Variants in SH3D19 observed in about 807,000 individuals in gnomAD.
SH3D19 encodes SH3 domain containing 19.
Under a neutral mutation model 112.1 loss-of-function variants are expected in SH3D19, and 58 were observed. That is an observed-to-expected ratio of 0.52 (90% CI 0.42 to 0.64). The LOEUF is 0.64. Among genes scored for constraint, SH3D19 ranks in the 30% least tolerant of loss-of-function variants. SH3D19 has a pLI of 0.00. For missense variants in SH3D19, 1,090 were observed against 1,263.4 expected (o/e 0.86, Z 2.08); for synonymous variants, 391 against 448.5 (o/e 0.87, Z 1.62).
rs533371734 is a variant in SH3D19 at position 151,286,982 on chromosome 4, A to T, written c.112+38259T>A. On this transcript the variant is annotated intron_variant, in intron 1 of 19. Coordinates refer to ENST00000604030, the MANE Select transcript of SH3D19 (RefSeq NM_001378122.1). ...GTGACAGAGTGAGATTCTGTCTCAA[A>T]AATAATAATAATAATAATAATAATA... 6.3e-5 allele frequency among the ~76,000 whole-genome samples: 9 copies of T among 141,836 alleles called. No homozygotes were observed. In the South Asian group the frequency reaches 9.1e-4, roughly 14 times the overall value. 93.0% of individuals were successfully genotyped at this position (141,836 alleles called of 152,430 possible).
chr4:151,221,641 C>T (rs1768071553), intron 2 of SH3D19, among the ~76,000 whole-genome samples: 1 of 152,158 alleles, frequency 6.6e-6, no homozygotes, highest in East Asian at 1.9e-4. Context: ...CTCAAAATAC[C>T]TTTGGCATTT....
chr4:151,185,236 C>T (rs994800299), intron 3 of SH3D19, among the ~76,000 whole-genome samples: 19 of 152,100 alleles, frequency 1.2e-4, no homozygotes, highest in Middle Eastern at 3.4e-3. Context: ...CAGGAGCCCA[C>T]AGATATGACT....
At chr4:151,189,569 C>T (rs1418556665) in intron 2 of SH3D19, among the ~76,000 whole-genome samples, 3 of 151,940 alleles carry the variant, frequency 2.0e-5, no homozygotes, top group East Asian at 3.9e-4. Flanking sequence ...GTAGTTCTCA[C>T]GACAGTGAAT....
intron 1 of SH3D19, among the ~76,000 whole-genome samples, chr4:151,232,183 C>CA (rs1316222273): frequency 6.6e-6 from 1 of 152,066 alleles, no homozygotes; most frequent in Non-Finnish European, 1.5e-5. Context: ...GACTCTGTCT[C>CA]AAAAAAGAAT....
chr4:151,294,677 C>G (rs539439773), intron 1 of SH3D19, among the ~76,000 whole-genome samples: 1 of 152,308 alleles, frequency 6.6e-6, no homozygotes, highest in South Asian at 2.1e-4. Flanking sequence ...CCACCATGTA[C>G]CAGGTACCAT....
At chr4:151,188,946 G>A (rs1762210681) in intron 2 of SH3D19, among the ~76,000 whole-genome samples, 1 of 152,044 alleles carries the variant, frequency 6.6e-6, no homozygotes, top group African/African-American at 2.4e-5. Flanking sequence ...GCCATCTGAA[G>A]AGCCAAACCA....
chr4:151,235,341 A>T (rs1459470800), intron 1 of SH3D19, among the ~76,000 whole-genome samples: 1 of 152,224 alleles, frequency 6.6e-6, no homozygotes, highest in Non-Finnish European at 1.5e-5. Context: ...CTGGAATAAG[A>T]TATGCTATAA....
At chr4:151,208,235 T>A (rs1418314867) in intron 2 of SH3D19, among the ~76,000 whole-genome samples, 1 of 152,140 alleles carries the variant, frequency 6.6e-6, no homozygotes, top group Non-Finnish European at 1.5e-5. Flanking sequence ...GAAAAGAAAT[T>A]CCACTTGTGG....
chr4:151,138,991 C>A (rs1752457825), intron 13 of SH3D19, among the ~76,000 whole-genome samples: 2 of 152,028 alleles, frequency 1.3e-5, no homozygotes, highest in East Asian at 3.9e-4. Context: ...CCATGCCCGG[C>A]TACTTTTTTG....
In SH3D19 at chr4:151,267,173, T is replaced by TA. The variant is rs1448420586; in HGVS notation, c.113-41088dup. On this transcript the variant is annotated intron_variant, in intron 1 of 19. Transcript: ENST00000604030. Reference sequence around the variant, plus strand: ...GTCTCTCTCTAAAAAAAAAAAAAAATAAATAAAATAAATTAGTCTAGCATA... The same window carrying TA: ...GTCTCTCTCTAAAAAAAAAAAAAAATAAAATAAAATAAATTAGTCTAGCATA... 1.2e-3 allele frequency among the ~76,000 whole-genome samples: 137 copies of TA among 112,954 alleles called. 1 individual carries two copies. Among genetic ancestry groups the TA allele is most frequent in the African/African-American group, 4.3e-3 (127 of 29,780 alleles). The allele number at this position is 112,954 out of a possible 152,430, so 74.1% of individuals were successfully genotyped here. A position where few individuals can be genotyped will look rare whatever the true frequency, so the allele number is the denominator to read the frequency against.
At chr4:151,325,106 G>C in intron 1 of SH3D19, 135 bp downstream of exon 1, 2 of 418,942 alleles carry the variant, frequency 4.8e-6, no homozygotes, top group Non-Finnish European at 7.9e-6. Flanking sequence ...CCCTCCCCGA[G>C]TCTGGCCTCT....
intron 12 of SH3D19, among the ~76,000 whole-genome samples, chr4:151,141,388 A>T (rs1352216999): frequency 6.6e-6 from 1 of 152,190 alleles, no homozygotes; most frequent in Non-Finnish European, 1.5e-5. Flanking sequence ...GGCCTCCCAA[A>T]GTGCTGGGAT....
intron 19 of SH3D19, among the ~76,000 whole-genome samples, chr4:151,123,138 C>A (rs1748396270): frequency 6.6e-6 from 1 of 152,198 alleles, no homozygotes. Flanking sequence ...GCGTGAGCCA[C>A]TGCCCCTGGC....
chr4:151,207,340 C>T (rs1415849036), intron 2 of SH3D19, among the ~76,000 whole-genome samples: 1 of 152,168 alleles, frequency 6.6e-6, no homozygotes, highest in African/African-American at 2.4e-5. Context: ...CAGGAAGTAT[C>T]CTAACAGTTT....
chr4:151,246,386 A>T (rs1002105359), intron 1 of SH3D19, among the ~76,000 whole-genome samples: 1 of 152,210 alleles, frequency 6.6e-6, no homozygotes, highest in Admixed American at 6.5e-5. Context: ...TTTTCCTTGC[A>T]ATGATGATGT....
chr4:151,221,838 G>A (rs1768105316), intron 2 of SH3D19, among the ~76,000 whole-genome samples: 1 of 152,140 alleles, frequency 6.6e-6, no homozygotes, highest in Non-Finnish European at 1.5e-5. Flanking sequence ...TGTAAAGACT[G>A]GGAACTTCAC....
At chr4:151,130,519 C>G (rs1267590090) in intron 17 of SH3D19, among the ~76,000 whole-genome samples, 1 of 152,120 alleles carries the variant, frequency 6.6e-6, no homozygotes, top group Non-Finnish European at 1.5e-5. Context: ...GCACCACATT[C>G]CTAGTACCTT....
intron 2 of SH3D19, among the ~76,000 whole-genome samples, chr4:151,219,552 G>A (rs915168223): frequency 3.3e-5 from 5 of 152,178 alleles, no homozygotes; most frequent in Non-Finnish European, 7.3e-5. Context: ...CAATTCCATG[G>A]AAGTGAAATG....
chr4:151,156,837 T>C (rs1325458414), intron 9 of SH3D19, among the ~76,000 whole-genome samples: 1 of 152,182 alleles, frequency 6.6e-6, no homozygotes, highest in Non-Finnish European at 1.5e-5. Flanking sequence ...AAAAATCTTT[T>C]GCACAGTAAA....
Sources: allele counts gnomAD v4.1 joint callset (sites outside exome capture counted in the v4.1 genomes callset), GRCh38; gene constraint gnomAD v4.1.1; transcripts MANE v1.5; gene names NCBI Gene and HGNC (gene_info 2026-07-23, HGNC 2026-07-21).